Variants in SDK1 observed in about 807,000 individuals in gnomAD.
SDK1 encodes the protein sidekick cell adhesion molecule 1.
A neutral mutation model predicts 245.5 loss-of-function variants in SDK1; 157 were observed. That is an observed-to-expected ratio of 0.64 (90% CI 0.56 to 0.73). The LOEUF is 0.73. Ranked by LOEUF, SDK1 falls within the 30% of genes least tolerant of loss-of-function variation. The probability of loss-of-function intolerance (pLI) is 0.00; values close to 1 mark genes in which losing one functional copy is unlikely to be tolerated. For missense variants in SDK1, 3,583 were observed against 3,002.3 expected (o/e 1.19, Z -4.52); for synonymous variants, 1,647 against 1,278.5 (o/e 1.29, Z -6.15).
chr7:3,380,931 G>A (rs549184596), intron 1 of SDK1, among the ~76,000 whole-genome samples: 1 of 152,180 alleles, frequency 6.6e-6, no homozygotes, highest in East Asian at 1.9e-4. Context: ...GGAAACCTGA[G>A]AAATCAAGCT....
At chr7:3,845,969 T>G (rs917967034) in intron 5 of SDK1, among the ~76,000 whole-genome samples, 1 of 152,156 alleles carries the variant, frequency 6.6e-6, no homozygotes, top group Non-Finnish European at 1.5e-5. Flanking sequence ...ATTTAATAAT[T>G]TTAGACCGTA....
intron 32 of SDK1, among the ~76,000 whole-genome samples, chr7:4,169,477 C>A (rs977512859): frequency 2.0e-5 from 3 of 152,188 alleles, no homozygotes; most frequent in East Asian, 1.9e-4. Flanking sequence ...CATCAAAAGC[C>A]GCCTCCTCCT....
intron 22 of SDK1, among the ~76,000 whole-genome samples, chr7:4,083,350 C>G (rs1228748607): frequency 6.6e-6 from 1 of 152,078 alleles, no homozygotes; most frequent in East Asian, 1.9e-4. Context: ...ATCCCCCACT[C>G]TTTTCCCCCA....
chr7:4,164,010 C>T (rs556385124), intron 32 of SDK1, among the ~76,000 whole-genome samples: 1 of 152,234 alleles, frequency 6.6e-6, no homozygotes, highest in South Asian at 2.1e-4. Context: ...TGCGGGGCTG[C>T]GTCTCGGCTG....
intron 35 of SDK1, among the ~76,000 whole-genome samples, chr7:4,198,725 C>G (rs1783720610): frequency 6.6e-6 from 1 of 152,060 alleles, no homozygotes; most frequent in East Asian, 1.9e-4. Context: ...TAGGGTTAGG[C>G]AGATCCAAGT....
At chr7:3,904,127 A>T (rs1481600761) in intron 5 of SDK1, among the ~76,000 whole-genome samples, 1 of 152,236 alleles carries the variant, frequency 6.6e-6, no homozygotes, top group Admixed American at 6.5e-5. Context: ...ACAGACTGAG[A>T]TGTGGTACAA....
At chr7:3,424,564 A>G (rs1053509541) in intron 1 of SDK1, among the ~76,000 whole-genome samples, 18 of 152,280 alleles carry the variant, frequency 1.2e-4, no homozygotes, top group Non-Finnish European at 8.8e-5. Flanking sequence ...TTCTGCTGAT[A>G]GTCTGGTTGA....
intron 8 of SDK1, among the ~76,000 whole-genome samples, chr7:3,959,615 G>A (rs1030512224): frequency 2.6e-5 from 4 of 152,100 alleles, no homozygotes; most frequent in Admixed American, 1.3e-4. Context: ...TCCACACTCT[G>A]CATCCATGTG....
chr7:3,788,876 C>T (rs1257127697), intron 4 of SDK1, among the ~76,000 whole-genome samples: 1 of 152,084 alleles, frequency 6.6e-6, no homozygotes, highest in Non-Finnish European at 1.5e-5. Context: ...CTGTAGGCTG[C>T]GTGAGTCTCC....
At chr7:4,042,753 G>A (rs1788726110) in intron 17 of SDK1, among the ~76,000 whole-genome samples, 1 of 152,218 alleles carries the variant, frequency 6.6e-6, no homozygotes, top group South Asian at 2.1e-4. Context: ...GGCTTAAGAA[G>A]GGGCAGGGTT....
intron 12 of SDK1, among the ~76,000 whole-genome samples, chr7:3,972,168 C>G (rs992827610): frequency 6.6e-6 from 1 of 151,426 alleles, no homozygotes; most frequent in Non-Finnish European, 1.5e-5. Flanking sequence ...CAAGCTCCAC[C>G]TCCCGGGTTC....
chr7:3,432,916 G>C (rs974381571), intron 1 of SDK1, among the ~76,000 whole-genome samples: 1 of 152,176 alleles, frequency 6.6e-6, no homozygotes, highest in African/African-American at 2.4e-5. Context: ...TTCTTGTACA[G>C]ATTCATAGCA....
At chr7:3,824,378 T>C (rs1779718895) in intron 5 of SDK1, among the ~76,000 whole-genome samples, 1 of 152,200 alleles carries the variant, frequency 6.6e-6, no homozygotes, top group South Asian at 2.1e-4. Flanking sequence ...TGAAGATACA[T>C]TTTTGCTTGC....
At chr7:3,778,244 TC>T (rs149477968) in intron 4 of SDK1, among the ~76,000 whole-genome samples, 4,676 of 152,288 alleles carry the variant, frequency 0.031, 217 homozygotes, top group African/African-American at 0.095. Context: ...GGTTTTTTTT[TC>T]CTAACTTATA....
intron 17 of SDK1, among the ~76,000 whole-genome samples, chr7:4,021,582 C>T (rs1000483142): frequency 1.3e-5 from 2 of 152,280 alleles, no homozygotes; most frequent in Non-Finnish European, 2.9e-5. Context: ...CACTTTAGCA[C>T]GTGCCTCAGG....
chr7:3,466,443 C>T (rs904982836), intron 1 of SDK1, among the ~76,000 whole-genome samples: 2 of 147,490 alleles, frequency 1.4e-5, no homozygotes, highest in African/African-American at 5.1e-5. Context: ...TACTCTGTCA[C>T]CACATTTTTA....
chr7:4,158,566 G>T lies in SDK1; in HGVS notation c.4729+15G>T, dbSNP rs763955775. On this transcript the variant is annotated intron_variant, in intron 31 of 44. Coordinates refer to ENST00000404826, the MANE Select transcript of SDK1 (RefSeq NM_152744.4). Reference sequence around the variant, plus strand: ...GCTGCAGGATGGTGAGCAACCCGGGGCCCAGACCGCGTTCCTGGCCGCTGC... The same window carrying T: ...GCTGCAGGATGGTGAGCAACCCGGGTCCCAGACCGCGTTCCTGGCCGCTGC... The T allele has an allele frequency of 5.0e-6, 8 of 1,591,968 alleles. No individual in the cohort carries two copies. The highest frequency in any genetic ancestry group is 1.7e-4 in the Middle Eastern group (1 of 5,994).
At chr7:3,305,862 A>T (rs946930962) in intron 1 of SDK1, among the ~76,000 whole-genome samples, 4 of 152,162 alleles carry the variant, frequency 2.6e-5, no homozygotes, top group Non-Finnish European at 4.4e-5. Context: ...CTAAGTGCTC[A>T]TTTATTCTTC....
rs1306421818 is a variant in SDK1, at chr7:3,677,175, T to C, written c.713+35070T>C. Among the ~76,000 whole-genome samples the C allele has an allele frequency of 4.6e-5, 7 of 152,174 alleles. No individual in the cohort carries two copies. The East Asian group carries it at 1.3e-3, about 29-fold the overall frequency. ...GGAATTTCCAACTCTCCCACAGGGA[T>C]TCTGCTCTGTGTGCGAAGGGGTATG... is the stretch of plus-strand genomic sequence containing the variant. On this transcript the variant is annotated intron_variant, in intron 4 of 44. Coordinates refer to ENST00000404826, the MANE Select transcript of SDK1 (RefSeq NM_152744.4).
Sources: allele counts gnomAD v4.1 joint callset (sites outside exome capture counted in the v4.1 genomes callset), GRCh38; gene constraint gnomAD v4.1.1; transcripts MANE v1.5; gene names NCBI Gene and HGNC (gene_info 2026-07-23, HGNC 2026-07-21).